Variants in CCBE1 observed in about 807,000 individuals in gnomAD.
The protein encoded by CCBE1 is collagen and calcium binding EGF domains 1.
A neutral mutation model predicts 50.0 loss-of-function variants in CCBE1; 37 were observed. The ratio of observed to expected loss-of-function variants is 0.74; its 90% CI spans 0.57 to 0.97. The LOEUF is 0.97. CCBE1 is among the 50% of genes least tolerant of loss of function. CCBE1 has a pLI of 0.00. For synonymous variants in CCBE1, 234 were observed against 203.7 expected, an observed-to-expected ratio of 1.15 and a Z score of -1.27; for missense variants, 538 against 523.8, an observed-to-expected ratio of 1.03 and a Z score of -0.26.
intron 2 of CCBE1, among the ~76,000 whole-genome samples, chr18:59,605,335 G>A (rs1031733386): frequency 1.4e-4 from 21 of 152,174 alleles, no homozygotes; most frequent in Non-Finnish European, 2.9e-4. Context: ...GATAACAAGA[G>A]GAAGATGACA....
At chr18:59,663,842 C>G (rs567955667) in intron 2 of CCBE1, among the ~76,000 whole-genome samples, 7 of 152,250 alleles carry the variant, frequency 4.6e-5, no homozygotes, top group African/African-American at 1.7e-4. Context: ...AAGCAGATAA[C>G]TCCCAAGATT....
At chr18:59,670,380 G>A (rs2054415666) in intron 2 of CCBE1, among the ~76,000 whole-genome samples, 1 of 152,174 alleles carries the variant, frequency 6.6e-6, no homozygotes, top group African/African-American at 2.4e-5. Context: ...GAATAAGAAA[G>A]TGGGATGGCA....
At chr18:59,441,188 C>T (rs1278555248) in intron 7 of CCBE1, among the ~76,000 whole-genome samples, 4 of 152,170 alleles carry the variant, frequency 2.6e-5, no homozygotes, top group African/African-American at 9.7e-5. Context: ...CAAATGATGT[C>T]TGGCATTCAA....
intron 2 of CCBE1, chr18:59,666,254 C>T (rs944887506): frequency 4.6e-5 from 7 of 152,138 alleles, no homozygotes; most frequent in African/African-American, 7.2e-5. Context: ...GAAAAACCCA[C>T]CCCTATGATT....
intron 2 of CCBE1, among the ~76,000 whole-genome samples, chr18:59,557,973 C>T (rs1220590179): frequency 6.6e-6 from 1 of 152,164 alleles, no homozygotes; most frequent in Non-Finnish European, 1.5e-5. Flanking sequence ...ATAACCACTC[C>T]TGCATTTCAA....
In CCBE1 at chr18:59,472,653, C is replaced by T. The variant is rs1912088138; in HGVS notation, c.266-3046G>A. ...CACCGCGCCCAGCCTACAGCTGCCT[C>T]CATGAATGTGCATTCACCATGAACC... On this transcript the variant is annotated intron_variant, in intron 3 of 10. Coordinates refer to ENST00000439986, the MANE Select transcript of CCBE1 (RefSeq NM_133459.4). 3.3e-5 allele frequency among the ~76,000 whole-genome samples: 5 copies of T among 152,352 alleles called. 1 individual carries two copies. In the South Asian group the frequency reaches 1.0e-3, roughly 32 times the overall value.
At chr18:59,465,602 A>G (rs532030142) in intron 5 of CCBE1, 1 of 152,358 alleles carries the variant, frequency 6.6e-6, no homozygotes, top group South Asian at 2.1e-4. Context: ...CAAAAATAAG[A>G]TGTAAAATGC....
intron 5 of CCBE1, among the ~76,000 whole-genome samples, chr18:59,462,770 A>C (rs1568152379): frequency 6.6e-6 from 1 of 152,024 alleles, no homozygotes; most frequent in African/African-American, 2.4e-5. Flanking sequence ...AGTGAGGCAC[A>C]CTCCTCCAAA....
At chr18:59,594,613 C>G (rs1216633825) in intron 2 of CCBE1, among the ~76,000 whole-genome samples, 1 of 152,156 alleles carries the variant, frequency 6.6e-6, no homozygotes, top group East Asian at 1.9e-4. Context: ...TTTCATAAAT[C>G]ATCTTTTAGT....
At chr18:59,615,933 C>T (rs143954936) in intron 2 of CCBE1, among the ~76,000 whole-genome samples, 34 of 152,310 alleles carry the variant, frequency 2.2e-4, no homozygotes, top group African/African-American at 7.7e-4. Flanking sequence ...ACCTAGGTTA[C>T]TTTAAAAAAT....
intron 2 of CCBE1, among the ~76,000 whole-genome samples, chr18:59,622,762 C>T (rs1343533267): frequency 6.7e-6 from 1 of 149,210 alleles, no homozygotes; most frequent in Non-Finnish European, 1.5e-5. Flanking sequence ...GATCGTGCCA[C>T]TACCCTCCAA....
rs992767687 is a variant in CCBE1 at position 59,448,017 on chromosome 18, T to C, written c.741A>G (p.Gly247=). Residue 247 remains glycine (G), a synonymous_variant, in exon 7 of 11, where the codon GGA becomes GGG. Transcript: ENST00000439986. ...CCTGGCCCCCAGGCAGGCCAGGAGGTCCTGGAAGGTAGGTGTTTGAGGCCA... is the reference window on the plus strand; with the variant it reads ...CCTGGCCCCCAGGCAGGCCAGGAGGCCCTGGAAGGTAGGTGTTTGAGGCCA... ...KVLASNTYLP[G]PPGLPGGQGP... 3 of 1,613,986 alleles carry C rather than the reference T, an allele frequency of 1.9e-6. No individual in the cohort carries two copies. Among genetic ancestry groups the C allele is most frequent in the Admixed American group, 1.7e-5 (1 of 59,996 alleles).
At chr18:59,616,289 AAAAC>A (rs2144594551) in intron 2 of CCBE1, among the ~76,000 whole-genome samples, 1 of 152,336 alleles carries the variant, frequency 6.6e-6, no homozygotes, top group Admixed American at 6.5e-5. Context: ...ATGGAAAAAG[AAAAC>A]AAAGAGGAGC....
intron 2 of CCBE1, among the ~76,000 whole-genome samples, chr18:59,590,117 T>C (rs938657741): frequency 1.3e-5 from 2 of 152,188 alleles, no homozygotes; most frequent in African/African-American, 4.8e-5. Flanking sequence ...ACACAGACAC[T>C]ACCCCCACTA....
At chr18:59,439,882 G>A (rs1263873284) in intron 7 of CCBE1, 66 bp from the exon 8 acceptor site, 38 of 1,569,494 alleles carry the variant, frequency 2.4e-5, no homozygotes, top group Non-Finnish European at 3.1e-5. Flanking sequence ...TGGCTAACAA[G>A]AGTCCAGGAC....
intron 2 of CCBE1, among the ~76,000 whole-genome samples, chr18:59,649,265 C>T (rs900796755): frequency 2.6e-5 from 4 of 152,188 alleles, no homozygotes; most frequent in African/African-American, 7.2e-5. Context: ...GGCTCATCCC[C>T]TCCTGCCCCT....
chr18:59,677,588 T>A (rs1177380998), intron 2 of CCBE1, among the ~76,000 whole-genome samples: 1 of 151,754 alleles, frequency 6.6e-6, no homozygotes, highest in African/African-American at 2.4e-5. Flanking sequence ...AAATGTGAGA[T>A]CCAGGAAACC....
chr18:59,628,638 C>T (rs564068555), intron 2 of CCBE1, among the ~76,000 whole-genome samples: 1 of 152,304 alleles, frequency 6.6e-6, no homozygotes, highest in Admixed American at 6.5e-5. Flanking sequence ...AACCTGGGAT[C>T]AGGCCTTCTA....
At chr18:59,697,466 C>A (rs2054827782), upstream of CCBE1, 1 of 1,286,608 alleles carries the variant, frequency 7.8e-7, no homozygotes, top group Non-Finnish European at 1.0e-6. Flanking sequence ...GGCGTTTGCA[C>A]CACCTGCACG....
Sources: gnomAD v4.1 joint callset for allele counts (sites outside exome capture counted in the v4.1 genomes callset) on GRCh38, gnomAD v4.1.1 for gene constraint, MANE v1.5 for transcripts, NCBI Gene and HGNC (gene_info 2026-07-23, HGNC 2026-07-21) for gene names.